RTL4: variants seen among roughly 807,000 people sequenced by gnomAD.
RTL4 encodes retrotransposon Gag like 4, also known as retrotransposon Gag-like protein 4.
RTL4 carries 4 observed loss-of-function variants against 5.3 expected under a neutral mutation model. The observed-to-expected ratio is 0.75, with a 90% CI of 0.37 to 1.72. The LOEUF (loss-of-function observed/expected upper bound fraction) is 1.72. RTL4 is among the 40% of genes most tolerant of loss of function. The pLI, the probability that RTL4 is intolerant of heterozygous loss-of-function variation, is 0.04. For missense variants in RTL4, 260 were observed against 227.1 expected, an observed-to-expected ratio of 1.14 and a Z score of -0.93; for synonymous variants, 98 against 87.3, an observed-to-expected ratio of 1.12 and a Z score of -0.68.
chrX:112,440,305 G>A, the RTL4 span, among the ~76,000 whole-genome samples: 1 of 111,368 alleles, frequency 9.0e-6, no homozygotes, highest in East Asian at 2.8e-4. Context: ...AGATCAGATG[G>A]CTTGGGAACA....
the RTL4 span, among the ~76,000 whole-genome samples, chrX:112,414,578 T>C: frequency 8.9e-6 from 1 of 111,822 alleles, no homozygotes; most frequent in Non-Finnish European, 1.9e-5. Flanking sequence ...GAATATCCTA[T>C]GTAAGGTGAA....
the RTL4 span, among the ~76,000 whole-genome samples, chrX:112,091,281 T>C: frequency 8.9e-6 from 1 of 111,755 alleles, no homozygotes; most frequent in African/African-American, 3.2e-5. Context: ...ACTTTCTACC[T>C]ACAGCTAGCT....
At chrX:112,326,446 G>A in the RTL4 span, among the ~76,000 whole-genome samples, 44 of 111,594 alleles carry the variant, frequency 3.9e-4, no homozygotes, top group African/African-American at 5.9e-4. Flanking sequence ...CTTTTCTGAC[G>A]GGCTTAAAAA....
the RTL4 span, among the ~76,000 whole-genome samples, chrX:112,422,670 C>T: frequency 9.0e-6 from 1 of 111,363 alleles, no homozygotes; most frequent in African/African-American, 3.2e-5. Context: ...ACTTCTTGTA[C>T]ATCCAAGCCC....
chrX:112,143,844 T>C, the RTL4 span, among the ~76,000 whole-genome samples: 1 of 112,079 alleles, frequency 8.9e-6, no homozygotes, highest in Non-Finnish European at 1.9e-5. Context: ...AACAATTTCT[T>C]AAAGCACATC....
chrX:112,454,095 AC>A (rs1926789040), upstream of RTL4, among the ~76,000 whole-genome samples: 1 of 111,304 alleles, frequency 9.0e-6, no homozygotes, highest in South Asian at 3.7e-4. Context: ...AAATTCTTTG[AC>A]TCTCTGATGG....
chrX:112,212,332 C>T, the RTL4 span, among the ~76,000 whole-genome samples: 3 of 111,261 alleles, frequency 2.7e-5, no homozygotes, highest in African/African-American at 6.5e-5. Context: ...AGCCGAGACG[C>T]GCCACTGCAC....
At chrX:112,167,878 GA>G in the RTL4 span, among the ~76,000 whole-genome samples, 52 of 99,309 alleles carry the variant, frequency 5.2e-4, no homozygotes, top group East Asian at 9.4e-4. Flanking sequence ...AAGGCCAAAA[GA>G]AAAAAAAAAA....
the RTL4 span, chrX:112,381,463 G>A: frequency 8.3e-7 from 1 of 1,206,653 alleles, no homozygotes; most frequent in Non-Finnish European, 1.1e-6. Flanking sequence ...AATCCAGGGA[G>A]CTACACCGAG....
At chrX:112,398,238 G>A in the RTL4 span, among the ~76,000 whole-genome samples, 2 of 110,472 alleles carry the variant, frequency 1.8e-5, no homozygotes, top group African/African-American at 6.6e-5. Context: ...CTATTGAGAT[G>A]GTCATGTGGT....
chrX:112,240,627 T>C, the RTL4 span, among the ~76,000 whole-genome samples: 4 of 112,018 alleles, frequency 3.6e-5, no homozygotes, highest in African/African-American at 1.3e-4. Flanking sequence ...ATATTGCTTT[T>C]GTGCCATTGT....
the RTL4 span, among the ~76,000 whole-genome samples, chrX:112,084,684 C>T: frequency 1.2e-4 from 13 of 111,179 alleles, no homozygotes; most frequent in Non-Finnish European, 1.5e-4. Context: ...GGGGCATTTC[C>T]CTTTTTTTAG....
chrX:112,421,367 C>G, the RTL4 span, among the ~76,000 whole-genome samples: 1 of 111,778 alleles, frequency 8.9e-6, no homozygotes, highest in Non-Finnish European at 1.9e-5. Flanking sequence ...TCTAAATAAA[C>G]AGAATTTTTC....
chrX:112,441,923 T>C, the RTL4 span, among the ~76,000 whole-genome samples: 4 of 112,003 alleles, frequency 3.6e-5, no homozygotes, highest in Non-Finnish European at 7.5e-5. Context: ...TCCATACAAT[T>C]GAATATTTTT....
the RTL4 span, among the ~76,000 whole-genome samples, chrX:112,327,721 G>A: frequency 9.0e-6 from 1 of 110,796 alleles, no homozygotes; most frequent in African/African-American, 3.3e-5. Flanking sequence ...CACCAAAGTT[G>A]AAATGAAGGA....
the RTL4 span, among the ~76,000 whole-genome samples, chrX:112,287,289 C>A: frequency 9.0e-6 from 1 of 111,659 alleles, no homozygotes; most frequent in African/African-American, 3.3e-5. Flanking sequence ...AAGGAAAAAA[C>A]TCCTGACCAA....
At chrX:112,390,712 T>A in the RTL4 span, among the ~76,000 whole-genome samples, 1 of 110,876 alleles carries the variant, frequency 9.0e-6, no homozygotes, top group Non-Finnish European at 1.9e-5. Flanking sequence ...GTTCCCTTTG[T>A]CAGTGACCTG....
the RTL4 span, among the ~76,000 whole-genome samples, chrX:112,309,637 T>G: frequency 9.3e-6 from 1 of 107,155 alleles, no homozygotes. Flanking sequence ...CACAGGCGCA[T>G]GCCACCACGC....
chrX:112,408,146 C>G, the RTL4 span, among the ~76,000 whole-genome samples: 12 of 111,155 alleles, frequency 1.1e-4, no homozygotes, highest in Non-Finnish European at 2.1e-4. Context: ...CCTCACAGAA[C>G]AAACTAAATA....
Sources: allele counts gnomAD v4.1 joint callset (sites outside exome capture counted in the v4.1 genomes callset), GRCh38; gene constraint gnomAD v4.1.1; transcripts MANE v1.5; gene names NCBI Gene and HGNC (gene_info 2026-07-23, HGNC 2026-07-21).